The following RBMS1 variants were observed in gnomAD, a reference collection of about 807,000 sequenced individuals.
The protein encoded by RBMS1 is RNA binding motif single stranded interacting protein 1, also known as RNA-binding motif, single-stranded-interacting protein 1.
A neutral mutation model predicts 62.3 loss-of-function variants in RBMS1; 17 were observed. The observed-to-expected ratio is 0.27, with a 90% CI of 0.19 to 0.41. RBMS1 has a LOEUF of 0.41. Among genes scored for constraint, RBMS1 ranks in the 10% least tolerant of loss-of-function variants. The pLI is 1.00. For synonymous variants in RBMS1, 172 were observed against 170.0 expected (o/e 1.01, Z -0.09); for missense variants, 334 against 504.5 (o/e 0.66, Z 3.24).
At chr2:160,405,700 T>C (rs1370281746) in intron 1 of RBMS1, among the ~76,000 whole-genome samples, 1 of 152,198 alleles carries the variant, frequency 6.6e-6, no homozygotes, top group Non-Finnish European at 1.5e-5. Context: ...AGGAGAGCCC[T>C]GTGAAAAGAA....
chr2:160,362,743 C>A (rs759242637), intron 2 of RBMS1, among the ~76,000 whole-genome samples: 13 of 151,972 alleles, frequency 8.6e-5, no homozygotes, highest in Admixed American at 5.2e-4. Context: ...AATAGACTTG[C>A]CCAATGCAGG....
rs545883714 is a variant in RBMS1, at chr2:160,472,224, T to G, written c.75+21065A>C. Reference sequence around the variant, plus strand: ...TATTCTGGTGTTGATGTAAACTATTTCTCAGAATTACAAAGCCAAACATTT... The same window carrying G: ...TATTCTGGTGTTGATGTAAACTATTGCTCAGAATTACAAAGCCAAACATTT... On this transcript the variant is annotated intron_variant, in intron 1 of 13. Coordinates refer to ENST00000348849, the MANE Select transcript of RBMS1 (RefSeq NM_016836.4). Among the ~76,000 whole-genome samples the G allele has an allele frequency of 2.2e-4, 33 of 152,274 alleles. No individual in the cohort carries two copies. The South Asian group carries it at 6.8e-3, about 32-fold the overall frequency.
intron 2 of RBMS1, among the ~76,000 whole-genome samples, chr2:160,356,638 T>C (rs1159122973): frequency 6.6e-6 from 1 of 152,142 alleles, no homozygotes; most frequent in Non-Finnish European, 1.5e-5. Context: ...CTTCATTTTG[T>C]TCTTCCTCCA....
chr2:160,313,078 C>G, intron 4 of RBMS1, 78 bp downstream of exon 4: 1 of 1,366,118 alleles, frequency 7.3e-7, no homozygotes. Flanking sequence ...ATTACAGATG[C>G]AGATAGAAAA....
intron 1 of RBMS1, among the ~76,000 whole-genome samples, chr2:160,444,885 C>G (rs981026146): frequency 2.0e-5 from 3 of 152,296 alleles, no homozygotes; most frequent in Middle Eastern, 3.4e-3. Flanking sequence ...AGGAAGAGCC[C>G]TCACTAGAAC....
chr2:160,342,007 TG>T (rs1287213797), intron 2 of RBMS1, among the ~76,000 whole-genome samples: 1 of 152,172 alleles, frequency 6.6e-6, no homozygotes, highest in African/African-American at 2.4e-5. Context: ...CTAATTGAGA[TG>T]TCCTGAATTC....
intron 2 of RBMS1, among the ~76,000 whole-genome samples, chr2:160,365,773 G>A (rs945188954): frequency 2.0e-5 from 3 of 152,142 alleles, no homozygotes; most frequent in Non-Finnish European, 2.9e-5. Flanking sequence ...ACTTTATGGT[G>A]CTCTTATCTA....
At chr2:160,336,615 A>G (rs1019371020) in intron 2 of RBMS1, among the ~76,000 whole-genome samples, 9 of 152,206 alleles carry the variant, frequency 5.9e-5, no homozygotes, top group Non-Finnish European at 1.0e-4. Flanking sequence ...ATTATTTTCA[A>G]TAATATTTTC....
intron 2 of RBMS1, among the ~76,000 whole-genome samples, chr2:160,321,287 C>A (rs1356824713): frequency 6.6e-6 from 1 of 152,128 alleles, no homozygotes; most frequent in Non-Finnish European, 1.5e-5. Flanking sequence ...AGGTACTCCC[C>A]CATCTCATTC....
At chr2:160,278,852 A>T (rs1184380378) in intron 10 of RBMS1, 194 bp from the exon 11 acceptor site, 5 of 531,126 alleles carry the variant, frequency 9.4e-6, no homozygotes, top group Non-Finnish European at 1.3e-5. Flanking sequence ...GAGTTTTTTA[A>T]GAGCGTTAGG....
intron 13 of RBMS1, chr2:160,275,377 TTTTA>T: frequency 2.3e-6 from 1 of 444,126 alleles, no homozygotes; most frequent in Middle Eastern, 8.2e-4. Flanking sequence ...TGTTACAGAT[TTTTA>T]TTTTTTTCTT....
At chr2:160,488,098 T>C (rs1368713013) in intron 1 of RBMS1, among the ~76,000 whole-genome samples, 1 of 152,238 alleles carries the variant, frequency 6.6e-6, no homozygotes, top group Admixed American at 6.5e-5. Context: ...TTTGTTTCTA[T>C]TATCAAATTT....
At chr2:160,483,636 G>A (rs767080818) in intron 1 of RBMS1, among the ~76,000 whole-genome samples, 11 of 152,198 alleles carry the variant, frequency 7.2e-5, no homozygotes, top group Admixed American at 2.0e-4. Flanking sequence ...TCCGGCAGAT[G>A]GAGTGGGAGT....
intron 1 of RBMS1, among the ~76,000 whole-genome samples, chr2:160,464,399 T>A (rs936600679): frequency 1.7e-4 from 26 of 152,344 alleles, no homozygotes; most frequent in African/African-American, 6.0e-4. Context: ...ACATCATAAA[T>A]GTAGATTTAA....
chr2:160,339,402 A>T (rs1371016675), intron 2 of RBMS1, among the ~76,000 whole-genome samples: 1 of 152,188 alleles, frequency 6.6e-6, no homozygotes, highest in African/African-American at 2.4e-5. Flanking sequence ...TTATGGTAAC[A>T]ATGACTTGTT....
At chr2:160,338,079 T>A (rs994867965) in intron 2 of RBMS1, among the ~76,000 whole-genome samples, 2 of 152,168 alleles carry the variant, frequency 1.3e-5, no homozygotes, top group African/African-American at 4.8e-5. Context: ...GGTTACAGAT[T>A]TCCTCTGGAC....
intron 1 of RBMS1, among the ~76,000 whole-genome samples, chr2:160,404,976 C>G (rs1695624719): frequency 6.6e-6 from 1 of 152,210 alleles, no homozygotes; most frequent in Non-Finnish European, 1.5e-5. Flanking sequence ...GGTTCAAATC[C>G]TGGCTCTGCA....
rs543008532 is a variant in RBMS1 at position 160,274,110 on chromosome 2, T to A, written c.*662A>T. 2 of 152,746 alleles carry A rather than the reference T, an allele frequency of 1.3e-5. No individual in the cohort carries two copies. Among genetic ancestry groups the A allele is most frequent in the East Asian group, 3.9e-4 (2 of 5,192 alleles). 9.5% of individuals were successfully genotyped at this position (152,746 alleles called of 1,614,324 possible). On this transcript the variant is annotated 3_prime_UTR_variant, in exon 14 of 14. Transcript: ENST00000348849. ...GCTCATTTGGTCAAAGCATTCTACA[T>A]CATTAGTTTGAACTAACTTTTACTG...
At chr2:160,340,905 T>C (rs900850112) in intron 2 of RBMS1, among the ~76,000 whole-genome samples, 3 of 152,152 alleles carry the variant, frequency 2.0e-5, no homozygotes, top group African/African-American at 7.2e-5. Context: ...TACCCAACTT[T>C]TATAGACAGT....
Sources: allele counts gnomAD v4.1 joint callset (sites outside exome capture counted in the v4.1 genomes callset), GRCh38; gene constraint gnomAD v4.1.1; transcripts MANE v1.5; gene names NCBI Gene and HGNC (gene_info 2026-07-23, HGNC 2026-07-21).